The following ZMYND11 variants were observed in gnomAD, a reference collection of about 807,000 sequenced individuals.
ZMYND11 encodes zinc finger MYND domain-containing protein 11.
In ZMYND11, 9 loss-of-function variants were observed where a neutral mutation model predicts 84.9. The observed-to-expected ratio is 0.11, with a 90% CI of 0.06 to 0.18. The LOEUF is 0.18. Among genes scored for constraint, ZMYND11 ranks in the 10% least tolerant of loss-of-function variants. The probability of loss-of-function intolerance (pLI) is 1.00; values close to 1 mark genes in which losing one functional copy is unlikely to be tolerated. For missense variants in ZMYND11, 409 were observed against 761.0 expected, an observed-to-expected ratio of 0.54 and a Z score of 5.44; for synonymous variants, 250 against 244.1, an observed-to-expected ratio of 1.02 and a Z score of -0.23.
At chr10:134,047 A>T (rs956898124), upstream of ZMYND11, among the ~76,000 whole-genome samples, 3 of 152,190 alleles carry the variant, frequency 2.0e-5, no homozygotes, top group East Asian at 5.8e-4. Context: ...ATGACTTTTC[A>T]GGTGGGGACA....
At chr10:158,747 A>G (rs1338343982) in intron 1 of ZMYND11, among the ~76,000 whole-genome samples, 1 of 151,950 alleles carries the variant, frequency 6.6e-6, no homozygotes, top group Non-Finnish European at 1.5e-5. Context: ...GATTGAAGCC[A>G]TCCTAGTGGT....
At chr10:139,671 C>T (rs538884260) in intron 1 of ZMYND11, among the ~76,000 whole-genome samples, 3 of 149,744 alleles carry the variant, frequency 2.0e-5, no homozygotes, top group African/African-American at 7.4e-5. Context: ...GTTACTTACA[C>T]GTACACTGTC....
At chr10:230,148 C>G (rs1948748661) in intron 4 of ZMYND11, among the ~76,000 whole-genome samples, 2 of 152,016 alleles carry the variant, frequency 1.3e-5, no homozygotes, top group African/African-American at 4.8e-5. Context: ...CTAGAGGCCA[C>G]CTGTACAGGA....
intron 2 of ZMYND11, among the ~76,000 whole-genome samples, chr10:193,843 A>T (rs1941068915): frequency 1.3e-5 from 2 of 152,094 alleles, no homozygotes; most frequent in South Asian, 4.1e-4. Flanking sequence ...TTCCATGATA[A>T]TCTTTTCTTG....
chr10:192,042 A>G (rs996373049), intron 2 of ZMYND11, among the ~76,000 whole-genome samples: 2 of 152,236 alleles, frequency 1.3e-5, no homozygotes, highest in African/African-American at 2.4e-5. Flanking sequence ...TAGATATGCA[A>G]ATCGAGATGC....
chr10:234,884 C>T (rs1460386194), intron 4 of ZMYND11, among the ~76,000 whole-genome samples: 2 of 152,144 alleles, frequency 1.3e-5, no homozygotes, highest in Non-Finnish European at 2.9e-5. Context: ...CCAGGGAGAG[C>T]GCCTTCTGCA....
chr10:220,012 C>T (rs1420603489), intron 3 of ZMYND11, among the ~76,000 whole-genome samples: 2 of 152,032 alleles, frequency 1.3e-5, no homozygotes, highest in African/African-American at 4.8e-5. Flanking sequence ...ACTGGGTAGT[C>T]CTTCATATCT....
At chr10:144,640 CTTTTTT>C (rs11348115) in intron 1 of ZMYND11, among the ~76,000 whole-genome samples, 1 of 110,060 alleles carries the variant, frequency 9.1e-6, no homozygotes, top group Non-Finnish European at 1.8e-5. Context: ...GTCTGAATTC[CTTTTTT>C]TTTTTTTTTT....
rs1410749525 is a variant in ZMYND11, at chr10:180,011, T to A, written c.-2T>A. 6.2e-7 allele frequency: 1 copy of A among 1,610,096 alleles called. No homozygotes were observed. The highest frequency in any genetic ancestry group is 8.5e-7 in the Non-Finnish European group (1 of 1,177,632). On this transcript the variant is annotated 5_prime_UTR_variant, in exon 2 of 15. Transcript: ENST00000381604. ...TACTGCAGCTAAAGAAGTAAACAGGTCATGGCACGTTTAACAAAAAGACGA... is the reference window on the plus strand; with the variant it reads ...TACTGCAGCTAAAGAAGTAAACAGGACATGGCACGTTTAACAAAAAGACGA...
intron 3 of ZMYND11, among the ~76,000 whole-genome samples, chr10:213,011 A>C (rs1196864740): frequency 6.6e-6 from 1 of 152,140 alleles, no homozygotes. Context: ...TCATGCCCTG[A>C]TAACACTCTA....
At chr10:244,340 G>A (rs532047498) in intron 10 of ZMYND11, 1 of 152,254 alleles carries the variant, frequency 6.6e-6, no homozygotes, top group South Asian at 2.1e-4. Context: ...GAAAAAAAAT[G>A]AATGGTTTTG....
rs1309307010 is a variant in ZMYND11 at position 159,131 on chromosome 10, T to TC, written c.-19-20863_-19-20862insC. On this transcript the variant is annotated intron_variant, in intron 1 of 14. Transcript: ENST00000381604. ...CATGATCCCTCTTTTTTTTTTTTTC[T>TC]TAATAGCTGACTGTACTCCACTGTA... 2.4e-3 allele frequency among the ~76,000 whole-genome samples: 329 copies of TC among 139,670 alleles called. 3 individuals are homozygous for TC. The highest frequency in any genetic ancestry group is 4.3e-3 in the East Asian group (21 of 4,870). 91.6% of individuals were successfully genotyped at this position (139,670 alleles called of 152,430 possible).
intron 2 of ZMYND11, among the ~76,000 whole-genome samples, chr10:209,048 T>G (rs561573101): frequency 2.9e-3 from 445 of 151,862 alleles, no homozygotes; most frequent in African/African-American, 7.4e-3. Flanking sequence ...TATATATATA[T>G]ATAGAGAGAG....
chr10:186,887 C>T (rs1042704578), intron 2 of ZMYND11, among the ~76,000 whole-genome samples: 1 of 152,044 alleles, frequency 6.6e-6, no homozygotes, highest in Non-Finnish European at 1.5e-5. Context: ...AATATCTCCC[C>T]AAGAAAGAGA....
chr10:146,483 T>C (rs1838878471), intron 1 of ZMYND11, among the ~76,000 whole-genome samples: 2 of 152,236 alleles, frequency 1.3e-5, no homozygotes, highest in Admixed American at 6.5e-5. Flanking sequence ...ACAATATCGA[T>C]TTTTCCAATC....
intron 2 of ZMYND11, among the ~76,000 whole-genome samples, chr10:192,590 A>G (rs902301190): frequency 6.6e-6 from 1 of 152,196 alleles, no homozygotes; most frequent in African/African-American, 2.4e-5. Context: ...CCAGAAAGAG[A>G]AATTCCTCCC....
intron 4 of ZMYND11, among the ~76,000 whole-genome samples, chr10:227,817 AC>A (rs532876421): frequency 2.6e-4 from 40 of 152,148 alleles, no homozygotes; most frequent in Non-Finnish European, 4.9e-4. Flanking sequence ...TAATATTTTC[AC>A]CCCAAATGTA....
chr10:222,716 AAG>A lies in ZMYND11; in HGVS notation c.438+1363_438+1364del, dbSNP rs575054104. Among the ~76,000 whole-genome samples the A allele has an allele frequency of 1.6e-4, 24 of 152,266 alleles. No homozygotes were observed. In the East Asian group the frequency reaches 4.4e-3, roughly 28 times the overall value. Reference sequence around the variant, plus strand: ...GAAAATTAATGAGATCAAAAAAAAAAAGAGGCAATGTTAGTAGTCACATGGGG... The same window carrying A: ...GAAAATTAATGAGATCAAAAAAAAAAAGGCAATGTTAGTAGTCACATGGGG... On this transcript the variant is annotated intron_variant, in intron 4 of 14. Transcript: ENST00000381604.
At chr10:182,022 T>A (rs1339810926) in intron 2 of ZMYND11, among the ~76,000 whole-genome samples, 1 of 152,212 alleles carries the variant, frequency 6.6e-6, no homozygotes, top group Non-Finnish European at 1.5e-5. Context: ...TTTCTTTGGA[T>A]TCAGCTTTTT....
Sources: allele counts gnomAD v4.1 joint callset (sites outside exome capture counted in the v4.1 genomes callset), GRCh38; gene constraint gnomAD v4.1.1; transcripts MANE v1.5; gene names NCBI Gene and HGNC (gene_info 2026-07-23, HGNC 2026-07-21).